The following LMO4 variants were observed in gnomAD, a reference collection of about 807,000 sequenced individuals.
LMO4 encodes LIM domain only 4, also known as LIM domain transcription factor LMO4.
In LMO4, 3 loss-of-function variants were observed where a neutral mutation model predicts 18.5. The observed-to-expected ratio is 0.16, with a 90% CI of 0.07 to 0.42. LMO4 has a LOEUF of 0.42. LMO4 is among the 10% of genes least tolerant of loss of function. The pLI is 0.99. For synonymous variants in LMO4, 100 were observed against 88.1 expected (o/e 1.14, Z -0.76); for missense variants, 121 against 219.9 (o/e 0.55, Z 2.84).
rs956038105 is a variant in LMO4, at chr1:87,348,641, C to T, written c.*3845C>T. The stretch of plus-strand genomic sequence containing the variant: ...GCCCTCTGCTCCCATCGTGAACATG[C>T]TGAGAGCAATGACAAGTCAGGGCTG... On this transcript the variant is annotated 3_prime_UTR_variant, in exon 5 of 5. Transcript: ENST00000370544. 12 of 466,730 alleles carry T rather than the reference C, an allele frequency of 2.6e-5. No homozygotes were observed. The highest frequency in any genetic ancestry group is 1.4e-4 in the Admixed American group (6 of 43,446). 28.9% of individuals were successfully genotyped at this position (466,730 alleles called of 1,614,324 possible).
chr1:87,329,509 G>A (rs1391521918), intron 1 of LMO4, among the ~76,000 whole-genome samples: 1 of 150,658 alleles, frequency 6.6e-6, no homozygotes, highest in East Asian at 2.0e-4. Context: ...GGTGGGGACC[G>A]TAGAGGGGGT....
rs547046452 is a variant in LMO4 at position 87,339,644 on chromosome 1, ATC to A, written c.333+18_333+19del. On this transcript the variant is annotated intron_variant, in intron 3 of 4. Transcript: ENST00000370544. ...TGTATCATCTTAAGGTAGTATTTGC[ATC>A]TCTCTTTTTTTTTTAAAAAAAAAAT... The A allele has an allele frequency of 4.6e-5, 72 of 1,552,606 alleles. No individual in the cohort carries two copies. The highest frequency in any genetic ancestry group is 3.0e-4 in the Admixed American group (17 of 57,508).
intron 3 of LMO4, 51 bp downstream of exon 3, chr1:87,339,683 T>A (rs372284497): frequency 1.0e-5 from 12 of 1,159,448 alleles, no homozygotes; most frequent in African/African-American, 4.6e-5. Flanking sequence ...ATACCTTTCC[T>A]ACCTACATGG....
intron 2 of LMO4, among the ~76,000 whole-genome samples, chr1:87,333,558 C>A (rs986057032): frequency 2.6e-5 from 4 of 151,932 alleles, no homozygotes; most frequent in African/African-American, 7.3e-5. Context: ...ATATGTTTAC[C>A]CCAGTGATAT....
intron 2 of LMO4, among the ~76,000 whole-genome samples, chr1:87,335,041 G>C (rs973509573): frequency 6.6e-6 from 1 of 151,296 alleles, no homozygotes; most frequent in African/African-American, 2.4e-5. Flanking sequence ...GAATGAAGGG[G>C]GGGGGGTTGT....
intron 2 of LMO4, among the ~76,000 whole-genome samples, chr1:87,333,949 AAAAAAAC>A (rs1202664571): frequency 3.3e-5 from 5 of 152,106 alleles, no homozygotes; most frequent in Admixed American, 6.5e-5. Flanking sequence ...CTTCAAAAAA[AAAAAAAC>A]AAAAAACAAA....
In LMO4 at chr1:87,332,026, C is replaced by T. The variant is rs776114612; in HGVS notation, c.11C>T (p.Pro4Leu). 3 of 1,611,878 alleles carry T rather than the reference C, an allele frequency of 1.9e-6. No homozygotes were observed. The highest frequency in any genetic ancestry group is 1.7e-5 in the Admixed American group (1 of 59,976). Residue 4 changes from proline (P) to leucine (L), a missense_variant, in exon 2 of 5, where the codon CCG (proline) becomes CTG (leucine). By Grantham distance (98) the Pro-to-Leu change is moderately conservative. Coordinates refer to ENST00000370544, the MANE Select transcript of LMO4 (RefSeq NM_006769.4). The stretch of plus-strand genomic sequence containing the variant: ...CGCCCTCTGCAGACCATGGTGAATC[C>T]GGGCAGCAGCTCGCAGCCGCCCCCG... MVNPGSSSQPPPVT... is the reference protein window; with the variant it reads MVNLGSSSQPPPVT...
intron 1 of LMO4, among the ~76,000 whole-genome samples, chr1:87,330,484 C>A (rs184217466): frequency 2.0e-5 from 3 of 152,316 alleles, no homozygotes; most frequent in Admixed American, 6.5e-5. Context: ...GGTCCTGTTT[C>A]CAAAGTCTCA....
intron 1 of LMO4, chr1:87,331,533 C>A: frequency 6.3e-6 from 1 of 158,358 alleles, no homozygotes; most frequent in South Asian, 1.9e-4. Context: ...GCCGCCGCCT[C>A]CCCACTCCTC....
At chr1:87,331,238 A>G (rs996869892) in intron 1 of LMO4, 16 of 152,186 alleles carry the variant, frequency 1.1e-4, no homozygotes, top group Admixed American at 7.2e-4. Flanking sequence ...GAAAACACTC[A>G]TTGATCTTCA....
chr1:87,329,996 A>T (rs1437149138), intron 1 of LMO4, among the ~76,000 whole-genome samples: 1 of 149,532 alleles, frequency 6.7e-6, no homozygotes, highest in Admixed American at 6.6e-5. Flanking sequence ...ATTTAACTTA[A>T]AAGCTTTCTT....
intron 2 of LMO4, among the ~76,000 whole-genome samples, chr1:87,335,866 A>G (rs1022265410): frequency 6.8e-6 from 1 of 147,262 alleles, no homozygotes. Flanking sequence ...GTGAACTATT[A>G]GCTAGAAAAA....
rs747168653 is a variant in LMO4, at chr1:87,348,715, A to C, written c.*3919A>C. On this transcript the variant is annotated 3_prime_UTR_variant, in exon 5 of 5. Coordinates refer to ENST00000370544, the MANE Select transcript of LMO4 (RefSeq NM_006769.4). ...CTTACCTCAAGTGAATACTGTTTTC[A>C]GTTGTGCAAGAAGTGCTTTATGCTA... is the stretch of plus-strand genomic sequence containing the variant. The C allele has an allele frequency of 5.8e-6, 3 of 514,186 alleles. No homozygotes were observed. Among genetic ancestry groups the C allele is most frequent in the Non-Finnish European group, 1.2e-5 (3 of 257,752 alleles). 31.9% of individuals were successfully genotyped at this position (514,186 alleles called of 1,614,324 possible).
intron 2 of LMO4, among the ~76,000 whole-genome samples, chr1:87,333,178 G>A (rs1290779314): frequency 6.6e-6 from 1 of 152,124 alleles, no homozygotes; most frequent in Non-Finnish European, 1.5e-5. Context: ...GTGAACTCAA[G>A]CTACTTAAAC....
intron 2 of LMO4, among the ~76,000 whole-genome samples, chr1:87,333,269 C>G (rs916914586): frequency 6.6e-6 from 1 of 151,950 alleles, no homozygotes; most frequent in Non-Finnish European, 1.5e-5. Context: ...CACATGAATG[C>G]TTCTAGGAGG....
chr1:87,335,881 A>C (rs1314319279), intron 2 of LMO4, among the ~76,000 whole-genome samples: 1 of 152,062 alleles, frequency 6.6e-6, no homozygotes, highest in Non-Finnish European at 1.5e-5. Flanking sequence ...GAAAAAAAAA[A>C]AAAACAGGAT....
chr1:87,329,580 G>A (rs1235713739), intron 1 of LMO4, among the ~76,000 whole-genome samples: 2 of 135,956 alleles, frequency 1.5e-5, no homozygotes, highest in African/African-American at 5.4e-5. Flanking sequence ...TTTTAAGTAT[G>A]AGAAGTAGTG....
intron 4 of LMO4, among the ~76,000 whole-genome samples, chr1:87,341,565 G>A (rs1044197677): frequency 6.6e-6 from 1 of 152,028 alleles, no homozygotes; most frequent in African/African-American, 2.4e-5. Context: ...GTGGAGGTGG[G>A]GGTTTGACAA....
In LMO4 at chr1:87,346,586, C is replaced by G. The variant is rs1368401680; in HGVS notation, c.*1790C>G. ...TGTAGAGAGGTGTAGCTCAGCACAT[C>G]TCAACTACCAGTCAGCTTCCCTTTG... On this transcript the variant is annotated 3_prime_UTR_variant, in exon 5 of 5. Transcript: ENST00000370544. 1.3e-5 allele frequency: 2 copies of G among 152,172 alleles called. No individual in the cohort carries two copies. Among genetic ancestry groups the G allele is most frequent in the African/African-American group, 4.8e-5 (2 of 41,428 alleles). The allele number at this position is 152,172 out of a possible 1,614,324, so 9.4% of individuals were successfully genotyped here. A position where few individuals can be genotyped will look rare whatever the true frequency, so the allele number is the denominator to read the frequency against.
Sources: gnomAD v4.1 joint callset for allele counts (sites outside exome capture counted in the v4.1 genomes callset) on GRCh38, gnomAD v4.1.1 for gene constraint, MANE v1.5 for transcripts, NCBI Gene and HGNC (gene_info 2026-07-23, HGNC 2026-07-21) for gene names.